The following GRIP1 variants were observed in gnomAD, a reference collection of about 807,000 sequenced individuals.
GRIP1 encodes the protein glutamate receptor interacting protein 1, also known as glutamate receptor-interacting protein 1.
A neutral mutation model predicts 129.9 loss-of-function variants in GRIP1; 45 were observed. That is an observed-to-expected ratio of 0.35 (90% CI 0.27 to 0.44). The LOEUF (loss-of-function observed/expected upper bound fraction) is 0.44, where lower values mean the gene tolerates loss of function less well. GRIP1 is among the 20% of genes least tolerant of loss of function. The probability of loss-of-function intolerance (pLI) is 1.00; values close to 1 mark genes in which losing one functional copy is unlikely to be tolerated. For missense variants in GRIP1, 1,196 were observed against 1,396.8 expected (o/e 0.86, Z 2.29); for synonymous variants, 530 against 520.8 (o/e 1.02, Z -0.24).
At chr12:66,596,432 T>G (rs2064052332) in intron 2 of GRIP1, among the ~76,000 whole-genome samples, 1 of 152,208 alleles carries the variant, frequency 6.6e-6, no homozygotes, top group Non-Finnish European at 1.5e-5. Context: ...TTCAAAGAGA[T>G]GAGAAGAAAA....
intron 7 of GRIP1, among the ~76,000 whole-genome samples, chr12:66,470,673 A>G (rs2059414169): frequency 6.6e-6 from 1 of 152,228 alleles, no homozygotes. Flanking sequence ...ACCATGGGGT[A>G]GAGTATGCTG....
chr12:66,690,476 T>A (rs930696597), intron 1 of GRIP1, among the ~76,000 whole-genome samples: 1 of 151,884 alleles, frequency 6.6e-6, no homozygotes, highest in Non-Finnish European at 1.5e-5. Context: ...TACTGTGCAA[T>A]TAACACGGAG....
At chr12:66,552,342 AC>A (rs1210316129) in intron 2 of GRIP1, among the ~76,000 whole-genome samples, 1 of 152,218 alleles carries the variant, frequency 6.6e-6, no homozygotes, top group Admixed American at 6.5e-5. Flanking sequence ...TAGGAACCTG[AC>A]TGAATAGAGA....
At chr12:66,629,752 T>A (rs1252624082) in intron 1 of GRIP1, among the ~76,000 whole-genome samples, 1 of 152,248 alleles carries the variant, frequency 6.6e-6, no homozygotes, top group Non-Finnish European at 1.5e-5. Flanking sequence ...GAGTGAATTC[T>A]TTAAATATAC....
chr12:66,516,267 T>C (rs1396912837), intron 6 of GRIP1, among the ~76,000 whole-genome samples: 1 of 152,164 alleles, frequency 6.6e-6, no homozygotes, highest in Non-Finnish European at 1.5e-5. Flanking sequence ...AATAATTCAA[T>C]TGATTCGATC....
chr12:66,425,276 C>T (rs920751569), intron 14 of GRIP1, among the ~76,000 whole-genome samples: 1 of 152,096 alleles, frequency 6.6e-6, no homozygotes, highest in East Asian at 1.9e-4. Context: ...CAATGAGATA[C>T]CATCTCACAC....
At position 66,824,875 on chromosome 12, in the gene GRIP1, A is replaced by G. The variant is rs73130890; in HGVS notation, c.59-227948T>C. On this transcript the variant is annotated intron_variant, in intron 1 of 1. Coordinates refer to the GRIP1 transcript ENST00000643019. The stretch of plus-strand genomic sequence containing the variant: ...ACAAAATCATATAATAAAAAATTTA[A>G]CATCCTTTACTTCATGTTGGACTTT... Among the ~76,000 whole-genome samples, 254 of 152,336 alleles carry G rather than the reference A, an allele frequency of 1.7e-3. 2 individuals are homozygous for G. Among genetic ancestry groups the G allele is most frequent in the Non-Finnish European group, 2.4e-3 (165 of 68,032 alleles).
At chr12:66,350,484 G>A (rs1041617519) in intron 24 of GRIP1, among the ~76,000 whole-genome samples, 2 of 152,154 alleles carry the variant, frequency 1.3e-5, no homozygotes, top group Non-Finnish European at 2.9e-5. Flanking sequence ...TGGATGACAA[G>A]AGAGAAACTC....
intron 1 of GRIP1, among the ~76,000 whole-genome samples, chr12:66,917,300 C>T (rs1033254431): frequency 1.3e-4 from 20 of 152,318 alleles, no homozygotes; most frequent in African/African-American, 4.8e-4. Context: ...ATAATCTCTA[C>T]ACTTGCCTAA....
At chr12:66,447,665 T>A (rs1477638490) in intron 11 of GRIP1, among the ~76,000 whole-genome samples, 1 of 152,112 alleles carries the variant, frequency 6.6e-6, no homozygotes, top group Non-Finnish European at 1.5e-5. Context: ...TTTAATACTA[T>A]CCCTTTCCAC....
intron 9 of GRIP1, among the ~76,000 whole-genome samples, chr12:66,459,375 T>C (rs567613765): frequency 6.6e-6 from 1 of 152,188 alleles, no homozygotes; most frequent in South Asian, 2.1e-4. Flanking sequence ...TTGGCCAATT[T>C]ACAACCACCG....
intron 1 of GRIP1, among the ~76,000 whole-genome samples, chr12:66,957,829 C>G (rs895713288): frequency 3.9e-5 from 6 of 152,146 alleles, no homozygotes. Context: ...CCATACTCTA[C>G]TCTTTGGAAG....
chr12:66,701,205 A>C (rs543491999), intron 1 of GRIP1, among the ~76,000 whole-genome samples: 6 of 152,204 alleles, frequency 3.9e-5, no homozygotes, highest in South Asian at 4.1e-4. Flanking sequence ...TGAATTCCAA[A>C]GTGTTCTTCT....
In GRIP1 at chr12:66,394,350, C is replaced by T. The variant is rs2056709464; in HGVS notation, c.1987G>A (p.Glu663Lys). ...KIRKDEDNSDEQESSGAIIYT... is the reference protein window; with the variant it reads ...KIRKDEDNSDKQESSGAIIYT... ...ATAATTGCTCCGGAACTTTCTTGCT[C>T]ATCTGTAATAAATGCCAAGGAATCA... The change falls in exon 17 of 25, where the codon GAG becomes AAG. Residue 663 changes from glutamate to lysine, a missense_variant and splice_region_variant. Glu to Lys is a moderately conservative substitution (Grantham distance 56, BLOSUM62 1). Transcript: ENST00000359742. The T allele has an allele frequency of 6.2e-7, 1 of 1,613,738 alleles. No homozygotes were observed. The highest frequency in any genetic ancestry group is 1.3e-5 in the African/African-American group (1 of 74,900).
intron 1 of GRIP1, among the ~76,000 whole-genome samples, chr12:66,951,327 G>T (rs868605937): frequency 2.0e-5 from 3 of 152,150 alleles, no homozygotes; most frequent in African/African-American, 4.8e-5. Flanking sequence ...TTAACTAAGC[G>T]GAGTGAAGTA....
intron 23 of GRIP1, among the ~76,000 whole-genome samples, chr12:66,367,039 AC>A (rs2055192800): frequency 2.0e-5 from 3 of 152,144 alleles, no homozygotes; most frequent in Non-Finnish European, 4.4e-5. Context: ...CTTTCCATCT[AC>A]AAAAAATCGT....
chr12:66,691,209 C>G (rs559132432), intron 1 of GRIP1, among the ~76,000 whole-genome samples: 1 of 152,314 alleles, frequency 6.6e-6, no homozygotes, highest in East Asian at 1.9e-4. Context: ...TTATTTGTCA[C>G]TTCTCATAGT....
intron 1 of GRIP1, among the ~76,000 whole-genome samples, chr12:66,879,297 T>C (rs1344176821): frequency 2.0e-5 from 3 of 152,048 alleles, no homozygotes; most frequent in Non-Finnish European, 4.4e-5. Flanking sequence ...AGGCAACAGT[T>C]TAAATAGTTT....
intron 2 of GRIP1, among the ~76,000 whole-genome samples, chr12:66,567,101 G>A (rs1266519776): frequency 1.3e-5 from 2 of 151,970 alleles, no homozygotes; most frequent in Non-Finnish European, 2.9e-5. Flanking sequence ...ATTTTTTGAA[G>A]GTTTTTTTGT....
Sources: allele counts gnomAD v4.1 joint callset (sites outside exome capture counted in the v4.1 genomes callset), GRCh38; gene constraint gnomAD v4.1.1; transcripts MANE v1.5; gene names NCBI Gene and HGNC (gene_info 2026-07-23, HGNC 2026-07-21).